PCDHA5: variants seen among roughly 807,000 people sequenced by gnomAD.
The protein encoded by PCDHA5 is protocadherin alpha-5.
Under a neutral mutation model 61.6 loss-of-function variants are expected in PCDHA5, and 43 were observed. The observed-to-expected ratio is 0.70, with a 90% CI of 0.55 to 0.90. The LOEUF (loss-of-function observed/expected upper bound fraction) is 0.90. Ranked by LOEUF, PCDHA5 falls within the 40% of genes least tolerant of loss-of-function variation. The pLI is 0.00. For synonymous variants in PCDHA5, 627 were observed against 543.9 expected (o/e 1.15, Z -2.13); for missense variants, 1,298 against 1,222.7 (o/e 1.06, Z -0.92).
intron 1 of PCDHA5, among the ~76,000 whole-genome samples, chr5:140,910,284 A>G (rs2153514340): frequency 6.6e-6 from 1 of 152,292 alleles, no homozygotes; most frequent in East Asian, 1.9e-4. Context: ...GAACACCATG[A>G]TTAATCAACA....
intron 1 of PCDHA5, chr5:140,843,224 C>A: frequency 6.3e-7 from 1 of 1,596,086 alleles, no homozygotes; most frequent in Non-Finnish European, 8.6e-7. Context: ...CAGCACCACT[C>A]GTGTCCTGGA....
intron 1 of PCDHA5, chr5:140,851,883 G>A (rs2042187282): frequency 3.1e-6 from 3 of 976,924 alleles, no homozygotes; most frequent in African/African-American, 1.8e-5. Flanking sequence ...CAGAAATCTG[G>A]ATATGAGATT....
At chr5:140,857,914 C>A (rs781836779) in intron 1 of PCDHA5, 4 of 1,597,754 alleles carry the variant, frequency 2.5e-6, no homozygotes, top group South Asian at 2.2e-5. Flanking sequence ...TCCCGTTTCG[C>A]GTGGGGCTGT....
intron 1 of PCDHA5, chr5:140,830,285 T>G (rs1554132709): frequency 6.2e-7 from 1 of 1,613,564 alleles, no homozygotes; most frequent in South Asian, 1.1e-5. Context: ...CGAGGGCGCG[T>G]GCACGGCGGA....
chr5:140,843,164 G>T, intron 1 of PCDHA5: 1 of 1,596,104 alleles, frequency 6.3e-7, no homozygotes. Flanking sequence ...GCAGCCAGCT[G>T]CAAGCAGCCC....
At position 140,821,649 on chromosome 5, in the gene PCDHA5, T is replaced by G; in HGVS notation, c.-127T>G. The stretch of plus-strand genomic sequence containing the variant: ...AGACAGAAAGGAAAAGAACCTTCCA[T>G]TTTTGGCTGTGCCAAGAAGCTCAGA... On this transcript the variant is annotated 5_prime_UTR_variant, in exon 1 of 4. Transcript: ENST00000529859. 9.2e-7 allele frequency: 1 copy of G among 1,086,066 alleles called. No individual in the cohort carries two copies. The highest frequency in any genetic ancestry group is 2.6e-5 in the East Asian group (1 of 39,008). The allele number at this position is 1,086,066 out of a possible 1,614,324, so 67.3% of individuals were successfully genotyped here.
intron 1 of PCDHA5, among the ~76,000 whole-genome samples, chr5:140,942,875 C>A (rs1003014974): frequency 2.0e-5 from 3 of 151,896 alleles, no homozygotes; most frequent in African/African-American, 7.3e-5. Flanking sequence ...AGCATGACAA[C>A]TTTTTTCCTA....
At chr5:140,963,210 C>T (rs1200019403) in intron 1 of PCDHA5, among the ~76,000 whole-genome samples, 1 of 151,742 alleles carries the variant, frequency 6.6e-6, no homozygotes, top group East Asian at 1.9e-4. Flanking sequence ...AAAAAAACCT[C>T]GTGTTTAGAG....
At chr5:140,867,774 G>A (rs937544863) in intron 1 of PCDHA5, 2 of 151,934 alleles carry the variant, frequency 1.3e-5, no homozygotes, top group African/African-American at 4.8e-5. Flanking sequence ...ACTCTCATAA[G>A]CAATTCCTGT....
intron 1 of PCDHA5, among the ~76,000 whole-genome samples, chr5:140,956,942 A>G (rs2153711637): frequency 6.7e-6 from 1 of 148,840 alleles, no homozygotes; most frequent in Admixed American, 6.8e-5. Flanking sequence ...GATAAAATTT[A>G]CATTAAAACA....
intron 1 of PCDHA5, among the ~76,000 whole-genome samples, chr5:140,902,368 A>G (rs1554190412): frequency 6.6e-6 from 1 of 151,696 alleles, no homozygotes; most frequent in Admixed American, 6.6e-5. Flanking sequence ...TCTCTTGTCT[A>G]ATTGCTCTAG....
intron 1 of PCDHA5, among the ~76,000 whole-genome samples, chr5:140,826,937 T>A (rs1769122740): frequency 6.6e-6 from 1 of 152,164 alleles, no homozygotes; most frequent in African/African-American, 2.4e-5. Context: ...CTTAGGTGGA[T>A]GTGGAATAAG....
chr5:141,008,679 T>C (rs950831628), intron 3 of PCDHA5, among the ~76,000 whole-genome samples: 4 of 152,238 alleles, frequency 2.6e-5, no homozygotes, highest in South Asian at 4.1e-4. Context: ...TATACTTTAG[T>C]TATTGCATGT....
chr5:140,882,929 G>A, intron 1 of PCDHA5: 1 of 1,614,160 alleles, frequency 6.2e-7, no homozygotes, highest in Non-Finnish European at 8.5e-7. Context: ...AGGTAAACCC[G>A]AGCTGACTGG....
At chr5:140,824,650 G>A (rs1768319030) in intron 1 of PCDHA5, 1 of 120,748 alleles carries the variant, frequency 8.3e-6, no homozygotes. Flanking sequence ...GTAGAGATAG[G>A]GGTCTTGCTA....
chr5:140,844,369 CCTT>C (rs1275614273), intron 1 of PCDHA5, among the ~76,000 whole-genome samples: 2 of 149,326 alleles, frequency 1.3e-5, no homozygotes, highest in South Asian at 2.1e-4. Flanking sequence ...GATTTGTAAT[CCTT>C]CTTTTAATTC....
intron 1 of PCDHA5, among the ~76,000 whole-genome samples, chr5:140,872,175 T>A (rs1402825591): frequency 6.6e-5 from 10 of 152,228 alleles, no homozygotes; most frequent in African/African-American, 2.4e-4. Context: ...CTTTTTTTTT[T>A]TTACAGTGTT....
intron 1 of PCDHA5, chr5:140,857,104 TTC>T: frequency 6.3e-7 from 1 of 1,597,962 alleles, no homozygotes; most frequent in Non-Finnish European, 8.6e-7. Flanking sequence ...TGATTGTCAC[TTC>T]TCTGTCTCTC....
At chr5:140,960,063 T>G (rs1461377026) in intron 1 of PCDHA5, among the ~76,000 whole-genome samples, 1 of 152,232 alleles carries the variant, frequency 6.6e-6, no homozygotes, top group Non-Finnish European at 1.5e-5. Flanking sequence ...GTACAGAAGA[T>G]TCAATTGAAG....
Sources: allele counts gnomAD v4.1 joint callset (sites outside exome capture counted in the v4.1 genomes callset), GRCh38; gene constraint gnomAD v4.1.1; transcripts MANE v1.5; gene names NCBI Gene and HGNC (gene_info 2026-07-23, HGNC 2026-07-21).